SORCS2: variants seen among roughly 807,000 people sequenced by gnomAD.
The protein encoded by SORCS2 is VPS10 domain-containing receptor SorCS2.
SORCS2 carries 100 observed loss-of-function variants against 141.6 expected under a neutral mutation model. The ratio of observed to expected loss-of-function variants is 0.71; its 90% CI spans 0.60 to 0.83. The LOEUF is 0.83. SORCS2 is among the 40% of genes least tolerant of loss of function. The pLI is 0.00. For missense variants in SORCS2, 1,646 were observed against 1,560.2 expected, an observed-to-expected ratio of 1.05 and a Z score of -0.93; for synonymous variants, 789 against 676.9, an observed-to-expected ratio of 1.17 and a Z score of -2.57.
intron 5 of SORCS2, 53 bp downstream of exon 5, chr4:7,654,260 C>A (rs1436874596): frequency 6.5e-7 from 1 of 1,529,780 alleles, no homozygotes; most frequent in African/African-American, 1.4e-5. Flanking sequence ...CTGGTGAGAG[C>A]ACTTCCCCCA....
At position 7,434,571 on chromosome 4, in the gene SORCS2, A is replaced by C. The variant is rs777987619; in HGVS notation, c.548+38216A>C. On this transcript the variant is annotated intron_variant, in intron 2 of 26. Transcript: ENST00000507866. ...CCACCATCCACTTGCATCCGGCTGA[A>C]GACTCCTGGCTGGGGAGCCACTCAC... 1.1e-5 allele frequency: 18 copies of C among 1,613,556 alleles called. No individual in the cohort carries two copies. In the East Asian group the frequency reaches 3.8e-4, roughly 34 times the overall value.
intron 2 of SORCS2, among the ~76,000 whole-genome samples, chr4:7,468,775 T>G (rs1729781949): frequency 6.6e-6 from 1 of 152,334 alleles, no homozygotes; most frequent in South Asian, 2.1e-4. Context: ...GAGATTAGGT[T>G]TTTGAAAGGT....
chr4:7,451,565 A>T (rs560763569), intron 2 of SORCS2, among the ~76,000 whole-genome samples: 1 of 152,242 alleles, frequency 6.6e-6, no homozygotes, highest in Non-Finnish European at 1.5e-5. Context: ...CACACCTGAC[A>T]TGCCCCCACT....
At chr4:7,674,039 G>A (rs1722950491) in intron 8 of SORCS2, among the ~76,000 whole-genome samples, 1 of 152,174 alleles carries the variant, frequency 6.6e-6, no homozygotes, top group African/African-American at 2.4e-5. Context: ...GGTGAGGAGG[G>A]CAGAACAGCC....
chr4:7,235,289 C>T (rs1311577827), intron 1 of SORCS2, among the ~76,000 whole-genome samples: 1 of 152,240 alleles, frequency 6.6e-6, no homozygotes, highest in Admixed American at 6.5e-5. Flanking sequence ...GGCAGGGAAA[C>T]TGGGCGTGGC....
chr4:7,643,590 A>G (rs996680828), intron 4 of SORCS2, among the ~76,000 whole-genome samples: 5 of 152,230 alleles, frequency 3.3e-5, no homozygotes, highest in African/African-American at 1.2e-4. Flanking sequence ...ATGTTCGAAC[A>G]GGGGCTTAAA....
chr4:7,649,956 C>G (rs1397881523), intron 4 of SORCS2, among the ~76,000 whole-genome samples: 2 of 152,152 alleles, frequency 1.3e-5, no homozygotes, highest in African/African-American at 4.8e-5. Context: ...TCAGAGCCAG[C>G]AGATGTGGCC....
At chr4:7,558,902 G>A (rs1194602801) in intron 3 of SORCS2, among the ~76,000 whole-genome samples, 2 of 152,198 alleles carry the variant, frequency 1.3e-5, no homozygotes, top group Admixed American at 1.3e-4. Context: ...GCCCCCACAT[G>A]GCTAACCTCC....
intron 5 of SORCS2, among the ~76,000 whole-genome samples, chr4:7,657,938 C>G (rs1409073018): frequency 6.9e-6 from 1 of 143,936 alleles, no homozygotes; most frequent in Non-Finnish European, 1.5e-5. Flanking sequence ...GAATAAGTGA[C>G]CGAGTGAGTG....
chr4:7,608,774 G>A (rs1337947451), intron 3 of SORCS2, among the ~76,000 whole-genome samples: 1 of 149,710 alleles, frequency 6.7e-6, no homozygotes, highest in East Asian at 1.9e-4. Context: ...AACTTGGCTT[G>A]CACACCTTCT....
chr4:7,247,894 C>T (rs960924750), intron 1 of SORCS2, among the ~76,000 whole-genome samples: 1 of 152,210 alleles, frequency 6.6e-6, no homozygotes, highest in African/African-American at 2.4e-5. Flanking sequence ...TGACAGCTCC[C>T]ACTCAGATCC....
At chr4:7,708,868 T>A (rs1725645354) in intron 14 of SORCS2, among the ~76,000 whole-genome samples, 1 of 152,106 alleles carries the variant, frequency 6.6e-6, no homozygotes, top group Non-Finnish European at 1.5e-5. Flanking sequence ...AAAAATTGGG[T>A]GGGGATAATC....
Position 7,193,095 on chromosome 4 carries a change from C to A in SORCS2, c.449C>A (p.Ala150Glu), listed in dbSNP as rs1204517262. The A allele has an allele frequency of 2.6e-6, 4 of 1,558,342 alleles. No individual in the cohort carries two copies. Among genetic ancestry groups the A allele is most frequent in the Non-Finnish European group, 3.4e-6 (4 of 1,161,334 alleles). The change falls in exon 1 of 27, where the codon GCG becomes GAG. Residue 150 changes from alanine (A) to glutamate (E), a missense_variant. Physicochemically the swap from Ala to Glu is moderately radical, Grantham distance 107. Transcript: ENST00000507866. The surrounding 1 kb of genome is among the most constrained non-coding windows in gnomAD (Gnocchi z 4.8). The stretch of plus-strand genomic sequence containing the variant: ...AAGGGGGACGCGACGCACAACCAGG[C>A]GATGGTGCACTGGACGGGCGAGAAC... ...VLKGDATHNQ[A>E]MVHWTGENSS...
intron 3 of SORCS2, among the ~76,000 whole-genome samples, chr4:7,559,994 A>T (rs1714418643): frequency 6.6e-6 from 1 of 152,132 alleles, no homozygotes; most frequent in African/African-American, 2.4e-5. Flanking sequence ...TGTCCTTTAG[A>T]TGTGTGCCGG....
intron 14 of SORCS2, among the ~76,000 whole-genome samples, chr4:7,710,021 T>G (rs1725721226): frequency 6.6e-6 from 1 of 152,184 alleles, no homozygotes; most frequent in African/African-American, 2.4e-5. Flanking sequence ...CAGCTCTTTC[T>G]CATGGTATCA....
chr4:7,519,705 C>T (rs1733202482), intron 2 of SORCS2, among the ~76,000 whole-genome samples: 1 of 152,250 alleles, frequency 6.6e-6, no homozygotes, highest in Non-Finnish European at 1.5e-5. Flanking sequence ...CCAGCACTGG[C>T]TGATCTCAGG....
chr4:7,224,388 G>A (rs942978906), intron 1 of SORCS2, among the ~76,000 whole-genome samples: 1 of 152,236 alleles, frequency 6.6e-6, no homozygotes, highest in Admixed American at 6.5e-5. Flanking sequence ...GGTGAGAGGA[G>A]GCGGGGCTGG....
chr4:7,414,586 A>G (rs1725539659), intron 2 of SORCS2, among the ~76,000 whole-genome samples: 1 of 152,232 alleles, frequency 6.6e-6, no homozygotes, highest in Non-Finnish European at 1.5e-5. Flanking sequence ...ATTAACTTTT[A>G]TACCTAGGTT....
intron 3 of SORCS2, among the ~76,000 whole-genome samples, chr4:7,609,091 T>A (rs1718239146): frequency 6.6e-6 from 1 of 152,092 alleles, no homozygotes; most frequent in African/African-American, 2.4e-5. Flanking sequence ...CATGAGGGGC[T>A]GGTGAAGGGT....
Sources: gnomAD v4.1 joint callset for allele counts (sites outside exome capture counted in the v4.1 genomes callset) on GRCh38, gnomAD v4.1.1 for gene constraint, Gnocchi (gnomAD v3.1) non-coding constraint, MANE v1.5 for transcripts, NCBI Gene and HGNC (gene_info 2026-07-23, HGNC 2026-07-21) for gene names.